The following MORC1 variants were observed in gnomAD, a reference collection of about 807,000 sequenced individuals.
MORC1 encodes the protein MORC family CW-type zinc finger protein 1.
A neutral mutation model predicts 134.9 loss-of-function variants in MORC1; 59 were observed. That is an observed-to-expected ratio of 0.44 (90% CI 0.35 to 0.54). MORC1 has a LOEUF of 0.54. MORC1 is among the 20% of genes least tolerant of loss of function. The pLI, the probability that MORC1 is intolerant of heterozygous loss-of-function variation, is 0.00. For synonymous variants in MORC1, 395 were observed against 391.7 expected, an observed-to-expected ratio of 1.01 and a Z score of -0.10; for missense variants, 947 against 1,134.5, an observed-to-expected ratio of 0.83 and a Z score of 2.37.
intron 17 of MORC1, among the ~76,000 whole-genome samples, chr3:109,009,330 C>T (rs555485939): frequency 1.9e-3 from 285 of 151,848 alleles, no homozygotes; most frequent in African/African-American, 6.6e-3. Flanking sequence ...CTCAGCCTCC[C>T]AAGTAGCTGG....
chr3:109,011,449 TTTGA>T (rs1175638544), intron 17 of MORC1, among the ~76,000 whole-genome samples: 1 of 152,186 alleles, frequency 6.6e-6, no homozygotes, highest in Admixed American at 6.5e-5. Context: ...GCATGTCTCC[TTTGA>T]TTAAGTACCT....
intron 26 of MORC1, among the ~76,000 whole-genome samples, chr3:108,968,955 G>GTT (rs11369467): frequency 0.034 from 4,945 of 147,584 alleles, 155 homozygotes; most frequent in Middle Eastern, 0.11. Flanking sequence ...GAGTACCAGG[G>GTT]TTTTTTTTTT....
At chr3:108,979,877 T>A (rs1325168153) in intron 23 of MORC1, among the ~76,000 whole-genome samples, 1 of 152,138 alleles carries the variant, frequency 6.6e-6, no homozygotes, top group Non-Finnish European at 1.5e-5. Context: ...TTTTTCAAAG[T>A]TTTTAGGTAG....
chr3:109,072,966 TACAC>T (rs60720692), intron 8 of MORC1, among the ~76,000 whole-genome samples: 34,482 of 136,570 alleles, frequency 0.25, 4,906 homozygotes, highest in Middle Eastern at 0.39. Context: ...CACACACACA[TACAC>T]ACACACACAC....
At chr3:109,090,637 A>C (rs1950700843) in intron 8 of MORC1, among the ~76,000 whole-genome samples, 1 of 151,274 alleles carries the variant, frequency 6.6e-6, no homozygotes, top group Non-Finnish European at 1.5e-5. Flanking sequence ...AAAAAAAAAA[A>C]AAAAACACGA....
At chr3:109,032,644 A>G in intron 16 of MORC1, 76 bp downstream of exon 16, 1 of 1,002,728 alleles carries the variant, frequency 1.0e-6, no homozygotes, top group Non-Finnish European at 1.5e-6. Context: ...TTATAGATTG[A>G]CATTTTCAAG....
At chr3:109,067,997 TG>T (rs1950236988) in intron 9 of MORC1, among the ~76,000 whole-genome samples, 1 of 152,290 alleles carries the variant, frequency 6.6e-6, no homozygotes, top group African/African-American at 2.4e-5. Flanking sequence ...GAATTTGGAT[TG>T]GTAAAGAATT....
chr3:109,097,059 C>A (rs1182654277), intron 6 of MORC1, among the ~76,000 whole-genome samples: 2 of 151,900 alleles, frequency 1.3e-5, no homozygotes, highest in Non-Finnish European at 2.9e-5. Flanking sequence ...TATGAGTTTC[C>A]AAATCAAAAA....
In MORC1 at chr3:109,032,707, T is replaced by A; in HGVS notation, c.1565+13A>T. On this transcript the variant is annotated intron_variant, in intron 16 of 27. Transcript: ENST00000232603. ...AAAATGAATAAAGAATTTTAGAAAA[T>A]AATCAAAAATACCTGTTTTCCAAGC... 1.3e-6 allele frequency: 2 copies of A among 1,507,104 alleles called. No individual in the cohort carries two copies. Among genetic ancestry groups the A allele is most frequent in the Non-Finnish European group, 1.8e-6 (2 of 1,103,922 alleles). The allele number at this position is 1,507,104 out of a possible 1,614,324, so 93.4% of individuals were successfully genotyped here.
chr3:108,984,590 T>G, intron 23 of MORC1, 126 bp downstream of exon 23: 1 of 648,374 alleles, frequency 1.5e-6, no homozygotes, highest in South Asian at 2.2e-5. Flanking sequence ...TGTTGTAAAA[T>G]TTGGTTCCAT....
chr3:108,993,226 T>C (rs1170326568), intron 21 of MORC1, among the ~76,000 whole-genome samples: 1 of 152,220 alleles, frequency 6.6e-6, no homozygotes, highest in East Asian at 1.9e-4. Flanking sequence ...CTTGACTTTT[T>C]TGGTGTCCCT....
intron 21 of MORC1, among the ~76,000 whole-genome samples, chr3:108,995,561 T>C (rs1458690074): frequency 6.6e-6 from 1 of 152,238 alleles, no homozygotes; most frequent in African/African-American, 2.4e-5. Flanking sequence ...ACTAGAGTGA[T>C]AATCTTGGAC....
Position 109,000,605 on chromosome 3 carries a change from A to G in MORC1, c.2139T>C (p.Cys713=), listed in dbSNP as rs1948377491. The change falls in exon 21 of 28, where the codon TGT becomes TGC. Residue 713 remains cysteine (C), a synonymous_variant. Coordinates refer to ENST00000232603, the MANE Select transcript of MORC1 (RefSeq NM_014429.4). ...RKQSLNFVEE[C]KVLTEDENTS... ...TGTTCTCATCTTCAGTCAATACCTT[A>G]CATTCCTCTACAAAGTTCAGACTCT... 6.2e-7 allele frequency: 1 copy of G among 1,611,704 alleles called. No individual in the cohort carries two copies. Among genetic ancestry groups the G allele is most frequent in the African/African-American group, 1.3e-5 (1 of 74,880 alleles).
intron 1 of MORC1, 143 bp downstream of exon 1, chr3:109,117,851 TA>T: frequency 6.9e-6 from 5 of 727,714 alleles, no homozygotes; most frequent in South Asian, 1.8e-5. Context: ...TTCATCGTTT[TA>T]AAAAAAGCCT....
chr3:108,960,131 C>T (rs1947042479), intron 27 of MORC1, among the ~76,000 whole-genome samples: 1 of 152,184 alleles, frequency 6.6e-6, no homozygotes, highest in African/African-American at 2.4e-5. Flanking sequence ...CTAGCAATGT[C>T]AGACTGTCCA....
At chr3:109,067,590 C>A (rs548350028) in intron 9 of MORC1, among the ~76,000 whole-genome samples, 1 of 152,096 alleles carries the variant, frequency 6.6e-6, no homozygotes, top group Non-Finnish European at 1.5e-5. Flanking sequence ...CCCAAACTCA[C>A]GAGAGAAATT....
At chr3:109,116,135 G>C (rs1410270776) in intron 1 of MORC1, among the ~76,000 whole-genome samples, 3 of 152,200 alleles carry the variant, frequency 2.0e-5, no homozygotes, top group Non-Finnish European at 4.4e-5. Flanking sequence ...CTAGCCCACA[G>C]AGAAGAGCTT....
At chr3:109,043,530 A>G (rs149627752) in intron 14 of MORC1, among the ~76,000 whole-genome samples, 1 of 152,272 alleles carries the variant, frequency 6.6e-6, no homozygotes, top group East Asian at 1.9e-4. Context: ...ACATTACTCA[A>G]CTGTACACTT....
intron 21 of MORC1, among the ~76,000 whole-genome samples, chr3:108,995,460 C>T (rs1948174878): frequency 6.6e-6 from 1 of 152,130 alleles, no homozygotes; most frequent in Admixed American, 6.5e-5. Context: ...GCATGGAAGA[C>T]AGAAAATAAT....
Sources: allele counts gnomAD v4.1 joint callset (sites outside exome capture counted in the v4.1 genomes callset), GRCh38; gene constraint gnomAD v4.1.1; transcripts MANE v1.5; gene names NCBI Gene and HGNC (gene_info 2026-07-23, HGNC 2026-07-21).